URB1: variants seen among roughly 807,000 people sequenced by gnomAD.
URB1 encodes nucleolar pre-ribosomal-associated protein 1.
URB1 carries 197 observed loss-of-function variants against 242.3 expected under a neutral mutation model. The observed-to-expected ratio is 0.81, with a 90% CI of 0.72 to 0.91. The LOEUF is 0.91. Among genes scored for constraint, URB1 ranks in the 40% least tolerant of loss-of-function variants. The probability of loss-of-function intolerance (pLI) is 0.00; values close to 1 mark genes in which losing one functional copy is unlikely to be tolerated. For missense variants in URB1, 2,721 were observed against 2,860.5 expected, an observed-to-expected ratio of 0.95 and a Z score of 1.11; for synonymous variants, 1,153 against 1,201.8, an observed-to-expected ratio of 0.96 and a Z score of 0.84.
intron 6 of URB1, among the ~76,000 whole-genome samples, chr21:32,374,336 C>T (rs2033436722): frequency 6.6e-6 from 1 of 152,188 alleles, no homozygotes; most frequent in Non-Finnish European, 1.5e-5. Flanking sequence ...CCACCCAAAC[C>T]TAACCCCAGA....
At chr21:32,373,586 T>C in intron 7 of URB1, 61 bp downstream of exon 7, 1 of 1,497,302 alleles carries the variant, frequency 6.7e-7, no homozygotes, top group Non-Finnish European at 8.9e-7. Flanking sequence ...ATTCTCCCTC[T>C]CCCAACCCTG....
intron 15 of URB1, among the ~76,000 whole-genome samples, chr21:32,356,847 G>A (rs1339875451): frequency 6.6e-6 from 1 of 152,222 alleles, no homozygotes. Flanking sequence ...TCTGGCTGGG[G>A]TCAGGTTCAC....
intron 6 of URB1, among the ~76,000 whole-genome samples, chr21:32,374,868 G>C (rs546182296): frequency 1.3e-5 from 2 of 152,312 alleles, no homozygotes; most frequent in African/African-American, 4.8e-5. Flanking sequence ...CGAAAATAAA[G>C]TCCTTTCATG....
Position 32,383,608 on chromosome 21 carries a change from G to A in URB1, c.435-54C>T. 2.7e-6 allele frequency: 4 copies of A among 1,486,326 alleles called. No individual in the cohort carries two copies. The Admixed American group carries it at 9.2e-5, about 34-fold the overall frequency. The allele number at this position is 1,486,326 out of a possible 1,614,324, so 92.1% of individuals were successfully genotyped here. The stretch of plus-strand genomic sequence containing the variant: ...ACGTCAACAACAGCAGAAGCACAGA[G>A]CCGCCTCACCACAAAGCCAGCTGCA... On this transcript the variant is annotated intron_variant, in intron 3 of 38. Transcript: ENST00000382751.
chr21:32,352,963 C>T, intron 18 of URB1, 57 bp from the exon 19 acceptor site: 1 of 1,466,042 alleles, frequency 6.8e-7, no homozygotes, highest in Non-Finnish European at 9.1e-7. Flanking sequence ...CCTTCTGTGA[C>T]CTACCAACAC....
chr21:32,371,109 C>T (rs2033401922), intron 8 of URB1, among the ~76,000 whole-genome samples: 1 of 152,184 alleles, frequency 6.6e-6, no homozygotes, highest in African/African-American at 2.4e-5. Flanking sequence ...GAAGGCCTCC[C>T]TGAAGTGGTG....
chr21:32,371,097 G>A (rs544305133), intron 8 of URB1, among the ~76,000 whole-genome samples: 57 of 152,170 alleles, frequency 3.7e-4, no homozygotes, highest in Non-Finnish European at 6.9e-4. Context: ...AGGGCTGTCC[G>A]GGAAGGCCTC....
Position 32,321,822 on chromosome 21 carries a change from C to A in URB1, c.5463G>T (p.Pro1821=), listed in dbSNP as rs3827177. The part of the protein sequence containing the change: ...FHIILSFFHS[P]LCDEAAQNWI... Reference sequence around the variant, plus strand: ...GTACCTGTGCTGCCTCGTCACACAGCGGGCTGTGGAAGAAGGACAGGATGA... The same window carrying A: ...GTACCTGTGCTGCCTCGTCACACAGAGGGCTGTGGAAGAAGGACAGGATGA... Residue 1821 remains proline, a synonymous_variant, in exon 34 of 39, where the codon CCG becomes CCT. Transcript: ENST00000382751. 1.3e-6 allele frequency: 2 copies of A among 1,551,534 alleles called. No homozygotes were observed. Among genetic ancestry groups the A allele is most frequent in the South Asian group, 1.2e-5 (1 of 84,070 alleles).
At chr21:32,343,337 AAAGT>A (rs981700232) in intron 24 of URB1, among the ~76,000 whole-genome samples, 2 of 152,144 alleles carry the variant, frequency 1.3e-5, no homozygotes, top group African/African-American at 2.4e-5. Flanking sequence ...TCAGCAACAA[AAAGT>A]AAGAAACTAC....
intron 33 of URB1, 132 bp downstream of exon 33, chr21:32,322,346 C>A: frequency 1.3e-6 from 1 of 798,354 alleles, no homozygotes; most frequent in Non-Finnish European, 2.0e-6. Flanking sequence ...TGCAGGCCTG[C>A]GTGGCCACCG....
intron 29 of URB1, among the ~76,000 whole-genome samples, chr21:32,333,670 A>T (rs2032921983): frequency 6.6e-6 from 1 of 152,244 alleles, no homozygotes; most frequent in Admixed American, 6.5e-5. Flanking sequence ...TGCATGAAAG[A>T]AAGTCTCTGT....
At chr21:32,368,175 C>A (rs1376285474) in intron 9 of URB1, among the ~76,000 whole-genome samples, 3 of 152,148 alleles carry the variant, frequency 2.0e-5, no homozygotes, top group African/African-American at 7.2e-5. Flanking sequence ...TCAAGTAATT[C>A]TCCTGTCTCA....
Position 32,317,778 on chromosome 21 carries a change from C to T in URB1, c.5932G>A (p.Val1978Ile), listed in dbSNP as rs376415400. The T allele has an allele frequency of 3.1e-5, 48 of 1,551,836 alleles. No individual in the cohort carries two copies. Among genetic ancestry groups the T allele is most frequent in the Non-Finnish European group, 4.0e-5 (46 of 1,147,058 alleles). The change falls in exon 37 of 39, where the codon GTC becomes ATC. Residue 1978 changes from valine to isoleucine, a missense_variant. Val to Ile is a conservative substitution (Grantham distance 29). Coordinates refer to ENST00000382751, the MANE Select transcript of URB1 (RefSeq NM_014825.3). Reference protein sequence around the residue: ...VNETVLSTKDVLVLLHKWSLI... With the variant: ...VNETVLSTKDILVLLHKWSLI... ...CTCCACTTGTGCAAGAGGACAAGGA[C>T]GTCCTTGGTGGAAAGCACTGTCTCA... is the stretch of plus-strand genomic sequence containing the variant.
intron 28 of URB1, 129 bp downstream of exon 28, chr21:32,336,965 G>T (rs771420739): frequency 4.7e-5 from 42 of 891,816 alleles, no homozygotes; most frequent in Non-Finnish European, 6.9e-5. Context: ...TGAGTCAGGG[G>T]AGTGCTGCCT....
rs115917390 is a variant in URB1, at chr21:32,314,601, G to C, written c.*317C>G. 3.1e-6 allele frequency: 5 copies of C among 1,614,094 alleles called. No individual in the cohort carries two copies. In the East Asian group the frequency reaches 6.7e-5, roughly 22 times the overall value. ...CATTCAGAAGTGCTGCCTCAAACTC[G>C]AGCTATTTCCTGTGATGAGCTCCAA... On this transcript the variant is annotated 3_prime_UTR_variant, in exon 39 of 39. Coordinates refer to ENST00000382751, the MANE Select transcript of URB1 (RefSeq NM_014825.3).
At chr21:32,387,050 C>T (rs1398715522) in intron 1 of URB1, among the ~76,000 whole-genome samples, 2 of 152,174 alleles carry the variant, frequency 1.3e-5, no homozygotes, top group Non-Finnish European at 2.9e-5. Flanking sequence ...TCTTTCAAAA[C>T]CCAAAGGAGG....
Position 32,311,852 on chromosome 21 carries a change from G to A in URB1, c.*3066C>T, listed in dbSNP as rs1274300835. ...CTGGCCCTGACCAGCCGCTACGACAGGAGAGCTCCTCCACCTTGCCCCTCG... is the reference window on the plus strand; with the variant it reads ...CTGGCCCTGACCAGCCGCTACGACAAGAGAGCTCCTCCACCTTGCCCCTCG... On this transcript the variant is annotated 3_prime_UTR_variant, in exon 39 of 39. Coordinates refer to ENST00000382751, the MANE Select transcript of URB1 (RefSeq NM_014825.3). The A allele has an allele frequency of 1.2e-6, 2 of 1,614,110 alleles. No individual in the cohort carries two copies. The highest frequency in any genetic ancestry group is 2.2e-5 in the East Asian group (1 of 44,862).
rs1468644952 is a variant in URB1, at chr21:32,359,854, T to C, written c.1811A>G (p.His604Arg). The C allele has an allele frequency of 1.3e-6, 2 of 1,548,162 alleles. No individual in the cohort carries two copies. The highest frequency in any genetic ancestry group is 8.7e-7 in the Non-Finnish European group (1 of 1,145,604). Residue 604 changes from histidine to arginine, a missense_variant, in exon 14 of 39, where the codon CAC becomes CGC. Physicochemically the swap from His to Arg is conservative, Grantham distance 29. Transcript: ENST00000382751. Reference sequence around the variant, plus strand: ...CAGCTCCAGGGCCACCTTCAGCATGTGGTGCTGCAGAATGGGAGGCACCTC... The same window carrying C: ...CAGCTCCAGGGCCACCTTCAGCATGCGGTGCTGCAGAATGGGAGGCACCTC... ...REEVPPILQH[H>R]MLKVALELPA...
intron 28 of URB1, among the ~76,000 whole-genome samples, chr21:32,336,139 A>G (rs972132409): frequency 6.6e-6 from 1 of 151,988 alleles, no homozygotes; most frequent in Admixed American, 6.5e-5. Flanking sequence ...AGGCTGCCGC[A>G]GGAGAAAGGA....
Sources: gnomAD v4.1 joint callset for allele counts (sites outside exome capture counted in the v4.1 genomes callset) on GRCh38, gnomAD v4.1.1 for gene constraint, MANE v1.5 for transcripts, NCBI Gene and HGNC (gene_info 2026-07-23, HGNC 2026-07-21) for gene names.